Variants in YEATS2 observed in about 807,000 individuals in gnomAD.
The protein encoded by YEATS2 is YEATS domain containing 2.
Under a neutral mutation model 163.2 loss-of-function variants are expected in YEATS2, and 77 were observed. The ratio of observed to expected loss-of-function variants is 0.47; its 90% CI spans 0.39 to 0.57. The LOEUF is 0.57. Ranked by LOEUF, YEATS2 falls within the 20% of genes least tolerant of loss-of-function variation. YEATS2 has a pLI of 0.00. For synonymous variants in YEATS2, 631 were observed against 645.1 expected, an observed-to-expected ratio of 0.98 and a Z score of 0.33; for missense variants, 1,549 against 1,729.8, an observed-to-expected ratio of 0.90 and a Z score of 1.85.
At chr3:183,721,410 C>T (rs13080186) in intron 4 of YEATS2, among the ~76,000 whole-genome samples, 1 of 152,158 alleles carries the variant, frequency 6.6e-6, no homozygotes, top group East Asian at 1.9e-4. Flanking sequence ...CCATAGATGT[C>T]TATACTGAAC....
chr3:183,755,711 T>A (rs1720653882), intron 11 of YEATS2, among the ~76,000 whole-genome samples: 1 of 151,442 alleles, frequency 6.6e-6, no homozygotes, highest in African/African-American at 2.4e-5. Context: ...TAAATCTAGC[T>A]GTTTACTTAC....
At position 183,747,643 on chromosome 3, in the gene YEATS2, T is replaced by A. The variant is rs370892524; in HGVS notation, c.925-29T>A. ...AATATGTAAGTAAGTGCAGTGAAAT[T>A]TAACACTCTCCCTTTTGTCTTTCCA... is the stretch of plus-strand genomic sequence containing the variant. On this transcript the variant is annotated intron_variant, in intron 8 of 30. Transcript: ENST00000305135. The A allele has an allele frequency of 5.6e-6, 9 of 1,603,982 alleles. No homozygotes were observed. In the African/African-American group the frequency reaches 1.2e-4, roughly 21 times the overall value.
chr3:183,784,534 T>C (rs1222634648), intron 19 of YEATS2, among the ~76,000 whole-genome samples: 1 of 152,232 alleles, frequency 6.6e-6, no homozygotes, highest in Non-Finnish European at 1.5e-5. Flanking sequence ...ATGAATCTTT[T>C]CTCCCATTCT....
chr3:183,726,773 G>C (rs535077178), intron 6 of YEATS2, among the ~76,000 whole-genome samples: 1 of 152,182 alleles, frequency 6.6e-6, no homozygotes, highest in Non-Finnish European at 1.5e-5. Context: ...AATCTCTTGA[G>C]GGTAGAAACT....
chr3:183,803,379 T>A, intron 26 of YEATS2, 44 bp downstream of exon 26: 1 of 1,534,328 alleles, frequency 6.5e-7, no homozygotes, highest in Non-Finnish European at 9.0e-7. Context: ...TCCAGAAACC[T>A]TGTCTTATGG....
At chr3:183,792,556 C>T (rs530583516) in intron 21 of YEATS2, among the ~76,000 whole-genome samples, 53 of 152,214 alleles carry the variant, frequency 3.5e-4, no homozygotes, top group Non-Finnish European at 6.6e-4. Flanking sequence ...CTTGCCCTGT[C>T]GCCCACGCTG....
intron 15 of YEATS2, among the ~76,000 whole-genome samples, chr3:183,762,586 C>T (rs1721483022): frequency 6.6e-6 from 1 of 152,170 alleles, no homozygotes; most frequent in Admixed American, 6.5e-5. Flanking sequence ...TGATTCATCT[C>T]TAAAAGGGAT....
chr3:183,753,468 C>T (rs920524526), intron 10 of YEATS2, among the ~76,000 whole-genome samples: 2 of 152,060 alleles, frequency 1.3e-5, no homozygotes, highest in African/African-American at 2.4e-5. Context: ...CAAGAGGGGC[C>T]GGGCACGGTG....
intron 8 of YEATS2, among the ~76,000 whole-genome samples, chr3:183,740,371 C>T (rs1378576169): frequency 1.3e-5 from 2 of 152,178 alleles, no homozygotes; most frequent in South Asian, 2.1e-4. Flanking sequence ...CATCACTGGT[C>T]ATCAGAGAAA....
Position 183,728,790 on chromosome 3 carries a change from G to A in YEATS2, c.751G>A (p.Val251Ile). Residue 251 changes from valine (V) to isoleucine (I), a missense_variant, in exon 7 of 31, where the codon GTC becomes ATC. By Grantham distance (29) the Val-to-Ile change is conservative (BLOSUM62 3). Transcript: ENST00000305135. ...TAGAGAACCCAGCATTAATCATTTT[G>A]TCAAGAAGGTTTGGTTCTTCCTTCA... is the stretch of plus-strand genomic sequence containing the variant. The part of the protein sequence containing the change: ...SRREPSINHF[V>I]KKVWFFLHPS... 1 of 1,614,112 alleles carries A rather than the reference G, an allele frequency of 6.2e-7. No homozygotes were observed. Among genetic ancestry groups the A allele is most frequent in the Non-Finnish European group, 8.5e-7 (1 of 1,179,986 alleles).
chr3:183,771,718 ATTTTTTTT>A (rs10592078), intron 15 of YEATS2, among the ~76,000 whole-genome samples: 42,125 of 99,648 alleles, frequency 0.42, 8,556 homozygotes, highest in Middle Eastern at 0.6. Flanking sequence ...GTACTGGCTA[ATTTTTTTT>A]TTTTTTTTTT....
intron 1 of YEATS2, among the ~76,000 whole-genome samples, chr3:183,709,344 C>T (rs1171963783): frequency 2.6e-5 from 4 of 152,028 alleles, no homozygotes; most frequent in Non-Finnish European, 5.9e-5. Context: ...AAAGCATTTA[C>T]TCTTTTTTTG....
At chr3:183,756,782 A>ATTTC in intron 12 of YEATS2, 93 bp downstream of exon 12, 1 of 1,148,268 alleles carries the variant, frequency 8.7e-7, no homozygotes, top group Non-Finnish European at 1.1e-6. Context: ...GTAATTGGAG[A>ATTTC]ATGAAATCTC....
chr3:183,709,853 A>AT (rs975049882), intron 1 of YEATS2, among the ~76,000 whole-genome samples: 13 of 147,640 alleles, frequency 8.8e-5, no homozygotes, highest in East Asian at 2.0e-4. Context: ...AATTTTTTGT[A>AT]TTTTTTTTAG....
intron 1 of YEATS2, among the ~76,000 whole-genome samples, chr3:183,709,244 T>G (rs986141150): frequency 3.3e-5 from 5 of 152,216 alleles, no homozygotes; most frequent in African/African-American, 7.2e-5. Context: ...ATGGATATGG[T>G]ATGTTTTAAT....
intron 7 of YEATS2, 79 bp downstream of exon 7, chr3:183,728,930 A>T: frequency 7.1e-7 from 1 of 1,413,246 alleles, no homozygotes; most frequent in East Asian, 2.3e-5. Flanking sequence ...TTTAACTTCA[A>T]AACATTTCCT....
rs1473816080 is a variant in YEATS2, at chr3:183,698,013, G to C, written c.-20+20G>C. 1 of 152,012 alleles carries C rather than the reference G, an allele frequency of 6.6e-6. No individual in the cohort carries two copies. The highest frequency in any genetic ancestry group is 2.4e-5 in the African/African-American group (1 of 41,420). 9.4% of individuals were successfully genotyped at this position (152,012 alleles called of 1,614,324 possible). On this transcript the variant is annotated intron_variant, in intron 1 of 30. Coordinates refer to ENST00000305135, the MANE Select transcript of YEATS2 (RefSeq NM_018023.5). ...GAAAGGGTGAGTGTTGGCGGGCGCAGGAAGGGACCGGCCGGGAGCGCGCCC... is the reference window on the plus strand; with the variant it reads ...GAAAGGGTGAGTGTTGGCGGGCGCACGAAGGGACCGGCCGGGAGCGCGCCC...
At chr3:183,749,307 A>G (rs1002663572) in intron 9 of YEATS2, among the ~76,000 whole-genome samples, 1 of 152,142 alleles carries the variant, frequency 6.6e-6, no homozygotes, top group Non-Finnish European at 1.5e-5. Flanking sequence ...CGTCTTACCC[A>G]TTTTTCAGTG....
chr3:183,708,980 T>C (rs1172423452), intron 1 of YEATS2, among the ~76,000 whole-genome samples: 1 of 151,880 alleles, frequency 6.6e-6, no homozygotes, highest in South Asian at 2.1e-4. Context: ...GCCAACATAG[T>C]GAAATCCCGT....
Sources: allele counts gnomAD v4.1 joint callset (sites outside exome capture counted in the v4.1 genomes callset), GRCh38; gene constraint gnomAD v4.1.1; transcripts MANE v1.5; gene names NCBI Gene and HGNC (gene_info 2026-07-23, HGNC 2026-07-21).